The following BABAM2 variants were observed in gnomAD, a reference collection of about 807,000 sequenced individuals.
The protein encoded by BABAM2 is BRISC and BRCA1-A complex member 2.
In BABAM2, 31 loss-of-function variants were observed where a neutral mutation model predicts 54.7. The ratio of observed to expected loss-of-function variants is 0.57; its 90% CI spans 0.43 to 0.77. The LOEUF (loss-of-function observed/expected upper bound fraction) is 0.77. Ranked by LOEUF, BABAM2 falls within the 30% of genes least tolerant of loss-of-function variation. The pLI is 0.00. For synonymous variants in BABAM2, 167 were observed against 162.9 expected (o/e 1.03, Z -0.19); for missense variants, 364 against 455.8 (o/e 0.80, Z 1.83).
rs142268785 is a variant in BABAM2 at position 28,261,624 on chromosome 2, C to T, written c.934+16762C>T. ...AAGTGCTGGGATTACAGGCGTGAGC[C>T]ACCGCGCCCGGCCAATTACTTAGAA... On this transcript the variant is annotated intron_variant, in intron 10 of 11. Coordinates refer to ENST00000379624, the MANE Select transcript of BABAM2 (RefSeq NM_199191.3). Among the ~76,000 whole-genome samples the T allele has an allele frequency of 5.2e-3, 787 of 152,296 alleles. 2 individuals are homozygous for T. Among genetic ancestry groups the T allele is most frequent in the African/African-American group, 0.018 (730 of 41,568 alleles).
intron 6 of BABAM2, among the ~76,000 whole-genome samples, chr2:28,075,528 T>TTTTC (rs1553311856): frequency 1.1e-4 from 17 of 150,244 alleles, no homozygotes; most frequent in African/African-American, 3.9e-4. Flanking sequence ...CATCACGTTT[T>TTTTC]TCTCTCTCTC....
chr2:27,894,367 G>A (rs2148256110), intron 1 of BABAM2, among the ~76,000 whole-genome samples, 166 bp from the exon 2 acceptor site: 1 of 152,350 alleles, frequency 6.6e-6, no homozygotes, highest in African/African-American at 2.4e-5. Context: ...GAGCAGCAGT[G>A]AGGTGGTTTC....
At chr2:28,152,279 C>A (rs1672125154) in intron 7 of BABAM2, among the ~76,000 whole-genome samples, 1 of 152,204 alleles carries the variant, frequency 6.6e-6, no homozygotes, top group Admixed American at 6.5e-5. Flanking sequence ...CCAGAATTTC[C>A]ACACCAGATC....
rs1477953055 is a variant in BABAM2 at position 28,304,617 on chromosome 2, C to G, written c.1088+6126C>G. Among the ~76,000 whole-genome samples, 1 of 151,936 alleles carries G rather than the reference C, an allele frequency of 6.6e-6. No homozygotes were observed. The highest frequency in any genetic ancestry group is 1.5e-5 in the Non-Finnish European group (1 of 67,998). On this transcript the variant is annotated intron_variant, in intron 11 of 11. Coordinates refer to ENST00000379624, the MANE Select transcript of BABAM2 (RefSeq NM_199191.3). The surrounding 1 kb of genome is among the most constrained non-coding windows in gnomAD (Gnocchi z 4.0). ...TTGGAGATGGAGTCTCACTCTGTCA[C>G]CCAGGCTGGAATGCAGTGGCATTAT...
At chr2:28,139,331 AAAAAAAAAAAAAAAG>A (rs1261718415) in intron 7 of BABAM2, among the ~76,000 whole-genome samples, 2 of 147,032 alleles carry the variant, frequency 1.4e-5, no homozygotes, top group African/African-American at 5.0e-5. Context: ...CAAAAAAAAA[AAAAAAAAAAAAAAAG>A]AAAAAGAAAA....
At chr2:28,151,978 G>A (rs187465943) in intron 7 of BABAM2, among the ~76,000 whole-genome samples, 1 of 151,866 alleles carries the variant, frequency 6.6e-6, no homozygotes, top group Non-Finnish European at 1.5e-5. Flanking sequence ...TATTTACATG[G>A]CACTGTGAAT....
At chr2:28,171,133 T>TATC (rs1674282363) in intron 7 of BABAM2, among the ~76,000 whole-genome samples, 1 of 145,560 alleles carries the variant, frequency 6.9e-6, no homozygotes, top group African/African-American at 2.6e-5. Context: ...ATATATATCT[T>TATC]GGAGATTGTA....
intron 7 of BABAM2, among the ~76,000 whole-genome samples, chr2:28,228,198 T>G (rs1309663303): frequency 6.6e-6 from 1 of 152,242 alleles, no homozygotes; most frequent in African/African-American, 2.4e-5. Context: ...CAGATTGACT[T>G]CTTGAACACA....
At chr2:28,290,773 T>C (rs1256335755) in intron 10 of BABAM2, among the ~76,000 whole-genome samples, 1 of 152,224 alleles carries the variant, frequency 6.6e-6, no homozygotes. Flanking sequence ...AAGCTAAATC[T>C]TCCTTAACAC....
intron 7 of BABAM2, among the ~76,000 whole-genome samples, chr2:28,186,835 T>A (rs1413141561): frequency 6.6e-6 from 1 of 151,784 alleles, no homozygotes; most frequent in Non-Finnish European, 1.5e-5. Flanking sequence ...AGACAGAGTC[T>A]TGCTCTGTCG....
chr2:28,287,986 C>G (rs1686965125), intron 10 of BABAM2, among the ~76,000 whole-genome samples: 1 of 152,104 alleles, frequency 6.6e-6, no homozygotes, highest in Admixed American at 6.5e-5. Context: ...GGAGGGGTTC[C>G]TACTTTGGGG....
At chr2:28,292,711 G>A (rs557701549) in intron 10 of BABAM2, among the ~76,000 whole-genome samples, 43 of 152,296 alleles carry the variant, frequency 2.8e-4, no homozygotes, top group African/African-American at 8.9e-4. Context: ...CTCCTTACAC[G>A]TGTGTTTAAT....
chr2:28,327,267 G>A lies in BABAM2; in HGVS notation c.1089-11183G>A, dbSNP rs369987194. ...CTTCTCCTCCTCCTTCTCATCTGCT[G>A]CACCAGGGGATGCCAAGGGAGCAGA... On this transcript the variant is annotated intron_variant, in intron 11 of 11. Transcript: ENST00000379624. 1.1e-5 allele frequency: 18 copies of A among 1,599,452 alleles called. No individual in the cohort carries two copies. In the African/African-American group the frequency reaches 2.3e-4, roughly 20 times the overall value.
intron 6 of BABAM2, among the ~76,000 whole-genome samples, chr2:28,107,376 A>C (rs1558341636): frequency 6.6e-6 from 1 of 152,220 alleles, no homozygotes; most frequent in Non-Finnish European, 1.5e-5. Context: ...CCCTTAAAAT[A>C]AAACAAGTTC....
At chr2:28,267,815 T>C (rs926155791) in intron 10 of BABAM2, among the ~76,000 whole-genome samples, 2 of 152,268 alleles carry the variant, frequency 1.3e-5, no homozygotes, top group African/African-American at 4.8e-5. Context: ...CTGGGAAATT[T>C]GTTTGGGTAT....
chr2:28,000,725 T>A (rs958643693), intron 4 of BABAM2, among the ~76,000 whole-genome samples: 30 of 152,244 alleles, frequency 2.0e-4, no homozygotes, highest in African/African-American at 6.8e-4. Flanking sequence ...TTTATTTGTA[T>A]CAGTATGGAC....
At chr2:28,098,265 C>A (rs1457661418) in intron 6 of BABAM2, among the ~76,000 whole-genome samples, 2 of 152,086 alleles carry the variant, frequency 1.3e-5, no homozygotes, top group African/African-American at 2.4e-5. Context: ...CTCTAATTTT[C>A]TGATTTAAAT....
intron 10 of BABAM2, among the ~76,000 whole-genome samples, chr2:28,290,022 A>G (rs1182031390): frequency 6.6e-6 from 1 of 152,172 alleles, no homozygotes; most frequent in East Asian, 1.9e-4. Context: ...CTTTAATTAC[A>G]TAGACATTCC....
At chr2:28,224,336 ACATTT>A (rs1680675364) in intron 7 of BABAM2, among the ~76,000 whole-genome samples, 1 of 152,230 alleles carries the variant, frequency 6.6e-6, no homozygotes, top group African/African-American at 2.4e-5. Context: ...CATATTGCAC[ACATTT>A]TTAATTTAAA....
Sources: allele counts gnomAD v4.1 joint callset (sites outside exome capture counted in the v4.1 genomes callset), GRCh38; gene constraint gnomAD v4.1.1; non-coding constraint Gnocchi (gnomAD v3.1); transcripts MANE v1.5; gene names NCBI Gene and HGNC (gene_info 2026-07-23, HGNC 2026-07-21).